The following CTCF variants were observed in gnomAD, a reference collection of about 807,000 sequenced individuals.
The protein encoded by CTCF is CCCTC-binding factor, also known as transcriptional repressor CTCF.
A neutral mutation model predicts 72.3 loss-of-function variants in CTCF; 7 were observed. The ratio of observed to expected loss-of-function variants is 0.10; its 90% confidence interval spans 0.06 to 0.18. The LOEUF is 0.18. Ranked by LOEUF, CTCF falls within the 10% of genes least tolerant of loss-of-function variation. CTCF has a pLI of 1.00. For synonymous variants in CTCF, 374 were observed against 315.8 expected, an observed-to-expected ratio of 1.18 and a Z score of -1.95; for missense variants, 516 against 949.1, an observed-to-expected ratio of 0.54 and a Z score of 6.00.
At chr16:67,614,922 G>A (rs946897248) in intron 4 of CTCF, 4 of 151,918 alleles carry the variant, frequency 2.6e-5, no homozygotes, top group African/African-American at 7.3e-5. Context: ...GGATCACAAG[G>A]GCAGGAGATC....
At chr16:67,576,550 G>GTTTTTT (rs35771667) in intron 2 of CTCF, among the ~76,000 whole-genome samples, 29 of 108,248 alleles carry the variant, frequency 2.7e-4, no homozygotes, top group East Asian at 5.1e-4. Context: ...ATAATAGAAT[G>GTTTTTT]TTTTTTTTTT....
At position 67,629,506 on chromosome 16, in the gene CTCF, T is replaced by C. The variant is rs764397875; in HGVS notation, c.1810T>C (p.Ser604Pro). The change falls in exon 10 of 12, where the codon TCT becomes CCT. Residue 604 changes from serine (S) to proline (P), a missense_variant. Ser to Pro is a moderately conservative substitution (Grantham distance 74). Transcript: ENST00000264010. ...ACGTGGAAGAAAAAGAAAGATGCGC[T>C]CTAAGAAAGAAGATTCCTCTGACAG... ...SKRGRKRKMR[S>P]KKEDSSDSEN... The C allele has an allele frequency of 1.4e-5, 23 of 1,613,432 alleles. No individual in the cohort carries two copies. Among genetic ancestry groups the C allele is most frequent in the Non-Finnish European group, 1.9e-5 (23 of 1,179,876 alleles).
intron 10 of CTCF, among the ~76,000 whole-genome samples, chr16:67,629,745 CCTTTTTTTTTTTTTTTTTTTTTTTTTTT>C (rs2052338460): frequency 1.2e-5 from 1 of 85,028 alleles, no homozygotes; most frequent in African/African-American, 4.3e-5. Flanking sequence ...TCATTAATGC[CCTTTTTTTTTTTTTTTTTTTTTTTTTTT>C]TTTTTTTTTT....
intron 2 of CTCF, among the ~76,000 whole-genome samples, chr16:67,574,664 T>TC: frequency 7.7e-6 from 1 of 129,612 alleles, no homozygotes; most frequent in East Asian, 2.3e-4. Flanking sequence ...TTTTTTTTTT[T>TC]TTTTTTTTTT....
chr16:67,585,434 A>G (rs1372821448), intron 2 of CTCF, among the ~76,000 whole-genome samples: 2 of 152,246 alleles, frequency 1.3e-5, no homozygotes, highest in Non-Finnish European at 2.9e-5. Context: ...ATGTGCAATG[A>G]TGCATTACTA....
chr16:67,562,922 C>G (rs970243438), intron 1 of CTCF, among the ~76,000 whole-genome samples, 198 bp downstream of exon 1: 1 of 104,660 alleles, frequency 9.6e-6, no homozygotes, highest in Non-Finnish European at 1.9e-5. Flanking sequence ...CCCACCCCCA[C>G]GCCCGCCCGC....
intron 2 of CTCF, among the ~76,000 whole-genome samples, chr16:67,586,389 T>C (rs981821078): frequency 1.3e-5 from 2 of 151,984 alleles, no homozygotes; most frequent in African/African-American, 4.8e-5. Flanking sequence ...ACAAAAAAAT[T>C]AGCTGGGCAT....
chr16:67,572,623 T>A (rs917742906), intron 2 of CTCF: 1 of 152,128 alleles, frequency 6.6e-6, no homozygotes, highest in Non-Finnish European at 1.5e-5. Context: ...TATTAAATAT[T>A]GGCCAGGCAC....
intron 1 of CTCF, among the ~76,000 whole-genome samples, chr16:67,564,944 A>T (rs535835350): frequency 6.6e-6 from 1 of 152,268 alleles, no homozygotes; most frequent in East Asian, 1.9e-4. Flanking sequence ...TGTTTTTATT[A>T]AAAAACAATC....
At chr16:67,609,906 G>A (rs937755776) in intron 2 of CTCF, among the ~76,000 whole-genome samples, 5 of 152,166 alleles carry the variant, frequency 3.3e-5, no homozygotes, top group Non-Finnish European at 7.4e-5. Context: ...GATTACAGGC[G>A]TGAGCCACCG....
intron 2 of CTCF, among the ~76,000 whole-genome samples, chr16:67,579,824 T>C (rs771429482): frequency 1.3e-5 from 2 of 152,148 alleles, no homozygotes; most frequent in African/African-American, 2.4e-5. Flanking sequence ...GGGAATGGCA[T>C]GTACAAAGGC....
chr16:67,621,612 G>A (rs1448376721), intron 7 of CTCF, 21 bp downstream of exon 7: 3 of 1,553,622 alleles, frequency 1.9e-6, no homozygotes, highest in Admixed American at 3.5e-5. Context: ...TAACTAGTGA[G>A]AAGTGAAAAA....
chr16:67,634,010 A>G (rs1433430788), intron 10 of CTCF, among the ~76,000 whole-genome samples: 4 of 152,206 alleles, frequency 2.6e-5, no homozygotes, highest in African/African-American at 4.8e-5. Context: ...AGCCAATCCC[A>G]CATAAAATGT....
chr16:67,610,803 CTG>C lies in CTCF; in HGVS notation c.-9-17_-9-16del. 2.1e-6 allele frequency: 3 copies of C among 1,406,100 alleles called. No homozygotes were observed. The highest frequency in any genetic ancestry group is 2.8e-6 in the Non-Finnish European group (3 of 1,070,224). The allele number at this position is 1,406,100 out of a possible 1,614,324, so 87.1% of individuals were successfully genotyped here. A position where few individuals can be genotyped will look rare whatever the true frequency, so the allele number is the denominator to read the frequency against. On this transcript the variant is annotated intron_variant, in intron 2 of 11. Transcript: ENST00000264010. ...GACATGCTTTGCTTTAAATAACAAT[CTG>C]TGTTCTCCCTTAATAAAGGCAGGGG...
intron 2 of CTCF, among the ~76,000 whole-genome samples, chr16:67,602,877 A>T (rs190382847): frequency 6.6e-6 from 1 of 151,868 alleles, no homozygotes; most frequent in East Asian, 1.9e-4. Flanking sequence ...GAAAATCTTA[A>T]TGGGGAAACA....
At chr16:67,593,260 T>C (rs1241739019) in intron 2 of CTCF, among the ~76,000 whole-genome samples, 1 of 151,934 alleles carries the variant, frequency 6.6e-6, no homozygotes, top group East Asian at 1.9e-4. Context: ...ATTGTGTGAT[T>C]ATGAGGTTTG....
intron 1 of CTCF, among the ~76,000 whole-genome samples, chr16:67,566,918 C>T (rs2051350497): frequency 1.3e-5 from 2 of 151,486 alleles, no homozygotes; most frequent in African/African-American, 4.9e-5. Context: ...CTCTTTTACC[C>T]AGGCTGGAGT....
In CTCF at chr16:67,603,527, CCT is replaced by C. The variant is rs533563588; in HGVS notation, c.-9-7293_-9-7292del. Among the ~76,000 whole-genome samples the C allele has an allele frequency of 4.9e-3, 704 of 142,676 alleles. 23 individuals carry two copies. Among genetic ancestry groups the C allele is most frequent in the Non-Finnish European group, 6.5e-4 (42 of 64,988 alleles). The allele number at this position is 142,676 out of a possible 152,430, so 93.6% of individuals were successfully genotyped here. On this transcript the variant is annotated intron_variant, in intron 2 of 11. Transcript: ENST00000264010. ...CAGCCTGGGCGACAGAGGGAGACTC[CCT>C]CTCAAAAAAAAAAGGCTGGGTGTGG...
chr16:67,586,452 C>G (rs1041863130), intron 2 of CTCF, among the ~76,000 whole-genome samples: 2 of 151,668 alleles, frequency 1.3e-5, no homozygotes, highest in Non-Finnish European at 2.9e-5. Context: ...CAGAGAATTG[C>G]TTGAACCCGG....
Sources: gnomAD v4.1 joint callset for allele counts (sites outside exome capture counted in the v4.1 genomes callset) on GRCh38, gnomAD v4.1.1 for gene constraint, MANE v1.5 for transcripts, NCBI Gene and HGNC (gene_info 2026-07-23, HGNC 2026-07-21) for gene names.